Variants in TAF8 observed in about 807,000 individuals in gnomAD.
TAF8 encodes TATA-box binding protein associated factor 8, also known as transcription initiation factor TFIID subunit 8.
In TAF8, 47 loss-of-function variants were observed where a neutral mutation model predicts 36.5. That is an observed-to-expected ratio of 1.29 (90% CI 1.02 to 1.64). The LOEUF is 1.64. Among genes scored for constraint, TAF8 ranks in the 40% most tolerant of loss-of-function variants. TAF8 has a pLI of 0.00. For missense variants in TAF8, 420 were observed against 407.6 expected (o/e 1.03, Z -0.26); for synonymous variants, 175 against 159.5 (o/e 1.10, Z -0.73).
Position 42,080,681 on chromosome 6 carries a change from A to T in TAF8, c.*3136A>T. ...CATGAGCCACCGCGCCTGGCCTCAGAGGCTATACTCTTATAATTTTGTTCT... is the reference window on the plus strand; with the variant it reads ...CATGAGCCACCGCGCCTGGCCTCAGTGGCTATACTCTTATAATTTTGTTCT... On this transcript the variant is annotated 3_prime_UTR_variant, in exon 9 of 9. Coordinates refer to ENST00000372977, the MANE Select transcript of TAF8 (RefSeq NM_138572.3). 3.0e-6 allele frequency: 3 copies of T among 984,980 alleles called. No individual in the cohort carries two copies. The highest frequency in any genetic ancestry group is 3.6e-6 in the Non-Finnish European group (3 of 829,682). The allele number at this position is 984,980 out of a possible 1,614,324, so 61.0% of individuals were successfully genotyped here.
intron 7 of TAF8, among the ~76,000 whole-genome samples, chr6:42,076,139 G>A (rs541635831): frequency 2.0e-5 from 3 of 151,610 alleles, no homozygotes; most frequent in South Asian, 2.1e-4. Context: ...ACCCAGAGGC[G>A]GAGCTTGCAG....
intron 7 of TAF8, among the ~76,000 whole-genome samples, chr6:42,074,629 G>T (rs766918510): frequency 9.2e-5 from 14 of 152,084 alleles, no homozygotes; most frequent in Admixed American, 4.6e-4. Context: ...CCAACTCCCG[G>T]GTTCAAGCGA....
chr6:42,057,288 G>A (rs1040842803), intron 4 of TAF8, 101 bp from the exon 5 acceptor site: 3 of 1,532,600 alleles, frequency 2.0e-6, no homozygotes, highest in Non-Finnish European at 1.8e-6. Flanking sequence ...GAAAATTGAG[G>A]TCTGGCATTT....
At position 42,071,554 on chromosome 6, in the gene TAF8, G is replaced by C. The variant is rs1287661445; in HGVS notation, c.780+2947G>C. On this transcript the variant is annotated intron_variant, in intron 7 of 8. Transcript: ENST00000372977. ...TTGGTCACGCTGGTCTTGAACTCCTGACCTCATGATCCACCCTCCTTGGCC... is the reference window on the plus strand; with the variant it reads ...TTGGTCACGCTGGTCTTGAACTCCTCACCTCATGATCCACCCTCCTTGGCC... 8 of 153,890 alleles carry C rather than the reference G, an allele frequency of 5.2e-5. No individual in the cohort carries two copies. In the Admixed American group the frequency reaches 5.2e-4, roughly 10 times the overall value. 9.5% of individuals were successfully genotyped at this position (153,890 alleles called of 1,614,324 possible).
downstream of TAF8, among the ~76,000 whole-genome samples, chr6:42,083,972 G>A (rs887569962): frequency 6.2e-4 from 94 of 152,094 alleles, no homozygotes; most frequent in African/African-American, 2.2e-3. Context: ...ACGAGGTCAG[G>A]AGATTGAGAC....
intron 1 of TAF8, 111 bp downstream of exon 1, chr6:42,050,697 C>T: frequency 7.6e-7 from 1 of 1,321,194 alleles, no homozygotes; most frequent in Non-Finnish European, 1.0e-6. Flanking sequence ...TCATGAGCTC[C>T]GACTGGCGGA....
At position 42,066,415 on chromosome 6, in the gene TAF8, G is replaced by A; in HGVS notation, c.593G>A (p.Gly198Asp). The A allele has an allele frequency of 6.2e-7, 1 of 1,614,228 alleles. No individual in the cohort carries two copies. The highest frequency in any genetic ancestry group is 8.5e-7 in the Non-Finnish European group (1 of 1,180,036). The change falls in exon 6 of 9, where the codon GGC becomes GAC. Residue 198 changes from glycine to aspartate, a missense_variant. Gly to Asp is a moderately conservative substitution (Grantham distance 94, BLOSUM62 -1). Coordinates refer to ENST00000372977, the MANE Select transcript of TAF8 (RefSeq NM_138572.3). ...CTTACCCGTTTCATGGCCAAGACAGGCGAGACTCAGAGTCTTTTCAAAGAT... is the reference window on the plus strand; with the variant it reads ...CTTACCCGTTTCATGGCCAAGACAGACGAGACTCAGAGTCTTTTCAAAGAT... ...RALTRFMAKT[G>D]ETQSLFKDDV...
Position 42,071,178 on chromosome 6 carries a change from G to A in TAF8, c.780+2571G>A, listed in dbSNP as rs1765553097. On this transcript the variant is annotated intron_variant, in intron 7 of 8. Transcript: ENST00000372977. ...CAGCACTAGTTTGGATGCCTTAGTG[G>A]CTGTAGTTGGACTGAGCATCCCTTA... Among the ~76,000 whole-genome samples the A allele has an allele frequency of 2.0e-5, 3 of 152,028 alleles. No homozygotes were observed. In the South Asian group the frequency reaches 6.2e-4, roughly 32 times the overall value.
At chr6:42,050,700 C>A in intron 1 of TAF8, 114 bp downstream of exon 1, 1 of 1,311,126 alleles carries the variant, frequency 7.6e-7, no homozygotes, top group Non-Finnish European at 1.0e-6. Flanking sequence ...TGAGCTCCGA[C>A]TGGCGGAGGG....
chr6:42,055,557 A>G lies in TAF8; in HGVS notation c.229A>G (p.Lys77Glu), dbSNP rs755019294. The change falls in exon 3 of 9, where the codon AAG (lysine) becomes GAG (glutamate). Residue 77 changes from lysine to glutamate, a missense_variant. Transcript: ENST00000372977. The part of the protein sequence containing the change: ...SYISEIGRSA[K>E]SYCEHTARTQ... ...CATTTCAGAAATTGGGAGAAGTGCC[A>G]AGTCTTACTGTGAGCACACAGCCAG... 5.0e-6 allele frequency: 8 copies of G among 1,614,178 alleles called. No individual in the cohort carries two copies. Among genetic ancestry groups the G allele is most frequent in the Non-Finnish European group, 6.8e-6 (8 of 1,180,004 alleles).
At chr6:42,071,326 T>TCC (rs1765561360) in intron 7 of TAF8, 1 of 60,476 alleles carries the variant, frequency 1.7e-5, no homozygotes, top group Non-Finnish European at 4.1e-5. Context: ...TTTTTTTTTT[T>TCC]TTTTTTTTTT....
intron 6 of TAF8, 126 bp from the exon 7 acceptor site, chr6:42,068,339 C>CT (rs1765437834): frequency 9.8e-7 from 1 of 1,019,706 alleles, no homozygotes; most frequent in Non-Finnish European, 1.5e-6. Context: ...TGTGTAAGTA[C>CT]TTGGAGCGAG....
At position 42,057,459 on chromosome 6, in the gene TAF8, C is replaced by T; in HGVS notation, c.435C>T (p.His145=). The T allele has an allele frequency of 1.2e-6, 2 of 1,614,146 alleles. No individual in the cohort carries two copies. The highest frequency in any genetic ancestry group is 1.7e-6 in the Non-Finnish European group (2 of 1,180,044). The stretch of plus-strand genomic sequence containing the variant: ...GGCAGAACCGACCCCACCCGCCGCA[C>T]ATCCCCAGCCATTTTCCTGAGTTCC... ...TAGQNRPHPP[H]IPSHFPEFPD... is the part of the protein sequence containing the mutation. The change falls in exon 5 of 9, where the codon CAC becomes CAT. Residue 145 remains histidine (H), a synonymous_variant. Coordinates refer to ENST00000372977, the MANE Select transcript of TAF8 (RefSeq NM_138572.3).
chr6:42,080,596 G>A lies in TAF8; in HGVS notation c.*3051G>A, dbSNP rs181780733. 2.5e-4 allele frequency: 183 copies of A among 733,330 alleles called. 2 individuals are homozygous for A. The highest frequency in any genetic ancestry group is 2.2e-3 in the Admixed American group (35 of 15,914). The allele number at this position is 733,330 out of a possible 1,614,324, so 45.4% of individuals were successfully genotyped here. On this transcript the variant is annotated 3_prime_UTR_variant, in exon 9 of 9. Transcript: ENST00000372977. ...TCACCAGGTTGGCCAGGGTGGTCTCGAACACCTGACCTCAGATGATCCACC... is the reference window on the plus strand; with the variant it reads ...TCACCAGGTTGGCCAGGGTGGTCTCAAACACCTGACCTCAGATGATCCACC...
At chr6:42,087,036 C>T (rs1431620726), downstream of TAF8, 2 of 510,554 alleles carry the variant, frequency 3.9e-6, no homozygotes, top group East Asian at 6.8e-5. Context: ...AGAGCCCTCC[C>T]TCGAGAGCCT....
rs187992696 is a variant in TAF8, at chr6:42,079,602, G to A, written c.*2057G>A. Reference sequence around the variant, plus strand: ...TTTTGAGACAGGGTCTCGCTGTGTCGCCCCAGCTGGAGTATAGTGGCACTA... The same window carrying A: ...TTTTGAGACAGGGTCTCGCTGTGTCACCCCAGCTGGAGTATAGTGGCACTA... On this transcript the variant is annotated 3_prime_UTR_variant, in exon 9 of 9. Transcript: ENST00000372977. The A allele has an allele frequency of 1.2e-4, 121 of 978,206 alleles. No homozygotes were observed. Among genetic ancestry groups the A allele is most frequent in the Middle Eastern group, 1.0e-3 (2 of 1,906 alleles). 60.6% of individuals were successfully genotyped at this position (978,206 alleles called of 1,614,324 possible). A position where few individuals can be genotyped will look rare whatever the true frequency, so the allele number is the denominator to read the frequency against.
At position 42,077,552 on chromosome 6, in the gene TAF8, A is replaced by C. The variant is rs1765797146; in HGVS notation, c.*7A>C. 13 of 1,613,018 alleles carry C rather than the reference A, an allele frequency of 8.1e-6. No homozygotes were observed. Among genetic ancestry groups the C allele is most frequent in the Non-Finnish European group, 9.3e-6 (11 of 1,179,594 alleles). ...TTCTAGGTCCCTCTCCTGAGCTGAGAAGGAAACCTGGCTTGTACAGGGGCG... is the reference window on the plus strand; with the variant it reads ...TTCTAGGTCCCTCTCCTGAGCTGAGCAGGAAACCTGGCTTGTACAGGGGCG... On this transcript the variant is annotated 3_prime_UTR_variant, in exon 9 of 9. Coordinates refer to ENST00000372977, the MANE Select transcript of TAF8 (RefSeq NM_138572.3).
chr6:42,077,597 G>T lies in TAF8; in HGVS notation c.*52G>T. 3 of 1,605,698 alleles carry T rather than the reference G, an allele frequency of 1.9e-6. No homozygotes were observed. The highest frequency in any genetic ancestry group is 2.2e-5 in the South Asian group (2 of 89,390). On this transcript the variant is annotated 3_prime_UTR_variant, in exon 9 of 9. Coordinates refer to ENST00000372977, the MANE Select transcript of TAF8 (RefSeq NM_138572.3). Reference sequence around the variant, plus strand: ...GGGGCGCAGATTCCACCCTCCCGGGGAGTTAAAGCCACTCAAGGGAAGAAG... The same window carrying T: ...GGGGCGCAGATTCCACCCTCCCGGGTAGTTAAAGCCACTCAAGGGAAGAAG...
rs762921654 is a variant in TAF8 at position 42,055,973 on chromosome 6, C to T, written c.323C>T (p.Pro108Leu). 1 of 1,613,384 alleles carries T rather than the reference C, an allele frequency of 6.2e-7. No individual in the cohort carries two copies. Among genetic ancestry groups the T allele is most frequent in the African/African-American group, 1.3e-5 (1 of 75,042 alleles). Reference sequence around the variant, plus strand: ...TTAGGTTTCAATGTGGACACTCTCCCTGCTTATGCAAAACGGTCTCAGAGG... The same window carrying T: ...TTAGGTTTCAATGTGGACACTCTCCTTGCTTATGCAAAACGGTCTCAGAGG... ...VEMGFNVDTL[P>L]AYAKRSQRMV... Residue 108 changes from proline (P) to leucine (L), a missense_variant, in exon 4 of 9, where the codon CCT becomes CTT. By Grantham distance (98) the Pro-to-Leu change is moderately conservative. Transcript: ENST00000372977.
Sources: gnomAD v4.1 joint callset for allele counts (sites outside exome capture counted in the v4.1 genomes callset) on GRCh38, gnomAD v4.1.1 for gene constraint, MANE v1.5 for transcripts, NCBI Gene and HGNC (gene_info 2026-07-23, HGNC 2026-07-21) for gene names.